ADGB: variants seen among roughly 807,000 people sequenced by gnomAD.
ADGB encodes androglobin.
ADGB carries 172 observed loss-of-function variants against 210.5 expected under a neutral mutation model. The observed-to-expected ratio is 0.82, with a 90% CI of 0.72 to 0.93. The LOEUF is 0.93. Among genes scored for constraint, ADGB ranks in the 40% least tolerant of loss-of-function variants. The probability of loss-of-function intolerance (pLI) is 0.00; values close to 1 mark genes in which losing one functional copy is unlikely to be tolerated. For synonymous variants in ADGB, 658 were observed against 662.7 expected, an observed-to-expected ratio of 0.99 and a Z score of 0.11; for missense variants, 2,025 against 1,964.8, an observed-to-expected ratio of 1.03 and a Z score of -0.58.
At chr6:146,728,009 C>A (rs767133209) in intron 19 of ADGB, among the ~76,000 whole-genome samples, 1 of 152,132 alleles carries the variant, frequency 6.6e-6, no homozygotes, top group Non-Finnish European at 1.5e-5. Context: ...TCCAATTTTA[C>A]TTTTTTCATG....
chr6:146,732,515 C>T (rs1325820928), intron 20 of ADGB, among the ~76,000 whole-genome samples: 1 of 151,524 alleles, frequency 6.6e-6, no homozygotes, highest in African/African-American at 2.4e-5. Context: ...TGTAGCTGGC[C>T]CTGATTTAAT....
At chr6:146,707,266 C>G (rs1776586800) in intron 13 of ADGB, among the ~76,000 whole-genome samples, 1 of 152,066 alleles carries the variant, frequency 6.6e-6, no homozygotes, top group African/African-American at 2.4e-5. Flanking sequence ...TATGAATATC[C>G]TGGAGAATGT....
chr6:146,715,101 T>C (rs1205862987), intron 13 of ADGB, among the ~76,000 whole-genome samples: 1 of 152,196 alleles, frequency 6.6e-6, no homozygotes, highest in Non-Finnish European at 1.5e-5. Flanking sequence ...GATATTACTG[T>C]TTTAATTTAA....
At chr6:146,743,520 T>G (rs910766968) in intron 25 of ADGB, among the ~76,000 whole-genome samples, 1 of 152,238 alleles carries the variant, frequency 6.6e-6, no homozygotes, top group South Asian at 2.1e-4. Flanking sequence ...CAGCTCCACT[T>G]AACTATTATT....
chr6:146,801,178 T>A lies in ADGB; in HGVS notation c.4538-5T>A, dbSNP rs1387402861. ...TTTTTTGTTGTGTGTGTGTTTTTTT[T>A]AAAGAAACAGGACCTCGTACACGAT... On this transcript the variant is annotated splice_region_variant and splice_polypyrimidine_tract_variant and intron_variant, in intron 33 of 35. Coordinates refer to ENST00000397944, the MANE Select transcript of ADGB (RefSeq NM_024694.4). 7.4e-5 allele frequency: 108 copies of A among 1,463,584 alleles called. No homozygotes were observed. Among genetic ancestry groups the A allele is most frequent in the Non-Finnish European group, 9.5e-5 (105 of 1,104,330 alleles). The allele number at this position is 1,463,584 out of a possible 1,614,324, so 90.7% of individuals were successfully genotyped here. A position where few individuals can be genotyped will look rare whatever the true frequency, so the allele number is the denominator to read the frequency against.
intron 2 of ADGB, chr6:146,639,040 A>G (rs1775469893): frequency 6.5e-6 from 1 of 153,982 alleles, no homozygotes; most frequent in South Asian, 2.1e-4. Context: ...TTTTGGGCAA[A>G]ATGTCTTCCA....
chr6:146,690,812 T>C (rs1184306334), intron 10 of ADGB, among the ~76,000 whole-genome samples: 4 of 152,192 alleles, frequency 2.6e-5, no homozygotes, highest in Non-Finnish European at 5.9e-5. Context: ...GGCTGATTAA[T>C]TTTGGACTAA....
intron 3 of ADGB, among the ~76,000 whole-genome samples, chr6:146,652,459 G>A (rs1156703852): frequency 1.3e-5 from 2 of 152,170 alleles, no homozygotes; most frequent in South Asian, 2.1e-4. Context: ...TTGTATAGAT[G>A]AGTGAAAGTA....
At chr6:146,745,794 G>T in intron 25 of ADGB, 128 bp from the exon 26 acceptor site, 1 of 646,562 alleles carries the variant, frequency 1.5e-6, no homozygotes. Context: ...GTGATTCTAT[G>T]TTTATTAAGA....
intron 10 of ADGB, among the ~76,000 whole-genome samples, chr6:146,690,496 T>A (rs569458296): frequency 1.3e-5 from 2 of 152,362 alleles, no homozygotes; most frequent in East Asian, 3.9e-4. Flanking sequence ...CGTAAATCAG[T>A]AACGTAAGTT....
chr6:146,786,484 T>G (rs186201460), intron 32 of ADGB, among the ~76,000 whole-genome samples: 1 of 152,248 alleles, frequency 6.6e-6, no homozygotes, highest in East Asian at 1.9e-4. Context: ...ATCTCTTAAC[T>G]TTTCATATGA....
chr6:146,767,111 T>C (rs977543568), intron 28 of ADGB, among the ~76,000 whole-genome samples: 1 of 152,326 alleles, frequency 6.6e-6, no homozygotes, highest in African/African-American at 2.4e-5. Flanking sequence ...AAATCTCATA[T>C]ACAAAACCAT....
At chr6:146,631,636 C>T (rs1021580802) in intron 1 of ADGB, among the ~76,000 whole-genome samples, 4 of 152,086 alleles carry the variant, frequency 2.6e-5, no homozygotes, top group African/African-American at 9.7e-5. Context: ...CAGGTACCAT[C>T]CCAGTTACTG....
chr6:146,761,374 C>T (rs1562294652), intron 27 of ADGB, among the ~76,000 whole-genome samples: 1 of 152,000 alleles, frequency 6.6e-6, no homozygotes, highest in African/African-American at 2.4e-5. Context: ...ATTACCTTGA[C>T]ATTTTAGTCA....
At chr6:146,787,862 G>C (rs1777896485) in intron 32 of ADGB, among the ~76,000 whole-genome samples, 2 of 152,130 alleles carry the variant, frequency 1.3e-5, no homozygotes, top group South Asian at 4.1e-4. Flanking sequence ...ATTATGGTAG[G>C]TTTTACATAG....
rs371133949 is a variant in ADGB at position 146,600,152 on chromosome 6, A to G, written c.74+1038A>G. Reference sequence around the variant, plus strand: ...TAACCTCTCTCATAAGCAGGTTTCCAGTTACCCGGCAGATAATCCATTCCT... The same window carrying G: ...TAACCTCTCTCATAAGCAGGTTTCCGGTTACCCGGCAGATAATCCATTCCT... On this transcript the variant is annotated intron_variant, in intron 1 of 35. Coordinates refer to ENST00000397944, the MANE Select transcript of ADGB (RefSeq NM_024694.4). Among the ~76,000 whole-genome samples the G allele has an allele frequency of 5.9e-5, 9 of 152,236 alleles. No homozygotes were observed. The South Asian group carries it at 1.9e-3, about 32-fold the overall frequency.
intron 5 of ADGB, among the ~76,000 whole-genome samples, chr6:146,662,627 G>A (rs758446228): frequency 4.6e-5 from 7 of 151,792 alleles, no homozygotes; most frequent in South Asian, 4.2e-4. Flanking sequence ...GTGGCCTGTC[G>A]ACTGTATTTT....
At chr6:146,723,513 A>T (rs1776850557) in intron 17 of ADGB, among the ~76,000 whole-genome samples, 1 of 152,158 alleles carries the variant, frequency 6.6e-6, no homozygotes, top group South Asian at 2.1e-4. Context: ...AGGCGGGCAG[A>T]TCACCTGAGG....
At position 146,661,732 on chromosome 6, in the gene ADGB, T is replaced by C. The variant is rs146172216; in HGVS notation, c.613-2469T>C. On this transcript the variant is annotated intron_variant, in intron 5 of 35. Coordinates refer to ENST00000397944, the MANE Select transcript of ADGB (RefSeq NM_024694.4). Reference sequence around the variant, plus strand: ...TCTTGATGTTCCATTTTTCCTTTTATTCTCCTTTCTTTTTATTTCTGAAAA... The same window carrying C: ...TCTTGATGTTCCATTTTTCCTTTTACTCTCCTTTCTTTTTATTTCTGAAAA... 5.3e-3 allele frequency among the ~76,000 whole-genome samples: 813 copies of C among 152,246 alleles called. 7 individuals carry two copies. The highest frequency in any genetic ancestry group is 0.019 in the African/African-American group (788 of 41,558).
Sources: gnomAD v4.1 joint callset for allele counts (sites outside exome capture counted in the v4.1 genomes callset) on GRCh38, gnomAD v4.1.1 for gene constraint, MANE v1.5 for transcripts, NCBI Gene and HGNC (gene_info 2026-07-23, HGNC 2026-07-21) for gene names.